SYTL3: variants seen among roughly 807,000 people sequenced by gnomAD.
SYTL3 encodes the protein synaptotagmin like 3.
SYTL3 carries 88 observed loss-of-function variants against 82.1 expected under a neutral mutation model. That is an observed-to-expected ratio of 1.07 (90% CI 0.90 to 1.28). SYTL3 has a LOEUF of 1.28. Among genes scored for constraint, SYTL3 ranks in the 50% most tolerant of loss-of-function variants. SYTL3 has a pLI of 0.00. For synonymous variants in SYTL3, 311 were observed against 289.4 expected (o/e 1.07, Z -0.76); for missense variants, 831 against 757.6 (o/e 1.10, Z -1.14).
At chr6:158,763,191 A>T in intron 16 of SYTL3, 113 bp from the exon 17 acceptor site, 1 of 961,184 alleles carries the variant, frequency 1.0e-6, no homozygotes, top group Non-Finnish European at 1.6e-6. Flanking sequence ...GAGGGTGTGG[A>T]TGTTGTGGAC....
At chr6:158,756,057 GT>G (rs1361150717) in intron 13 of SYTL3, among the ~76,000 whole-genome samples, 1 of 152,240 alleles carries the variant, frequency 6.6e-6, no homozygotes, top group African/African-American at 2.4e-5. Context: ...ATAAATAAGT[GT>G]TCAATAACTT....
chr6:158,699,332 T>C lies in SYTL3; in HGVS notation c.395-7898T>C, dbSNP rs140760120. On this transcript the variant is annotated intron_variant, in intron 6 of 17. Coordinates refer to ENST00000611299, the MANE Select transcript of SYTL3 (RefSeq NM_001242394.2). ...CAGGAATTGCAGTCCAGGGCACTGG[T>C]ATGGTTGGGGGTTAGCGTCCTCAAC... 8.5e-5 allele frequency among the ~76,000 whole-genome samples: 13 copies of C among 152,252 alleles called. No homozygotes were observed. In the East Asian group the frequency reaches 2.5e-3, roughly 29 times the overall value.
intron 2 of SYTL3, among the ~76,000 whole-genome samples, chr6:158,654,437 G>C (rs1226774735): frequency 1.3e-5 from 2 of 152,196 alleles, no homozygotes; most frequent in Non-Finnish European, 2.9e-5. Flanking sequence ...GTTCCACTGG[G>C]ATACAGCATG....
At chr6:158,719,993 G>A (rs1783890884) in intron 10 of SYTL3, among the ~76,000 whole-genome samples, 1 of 152,216 alleles carries the variant, frequency 6.6e-6, no homozygotes, top group Non-Finnish European at 1.5e-5. Context: ...GGAGACTGAG[G>A]TGGGAGGATC....
intron 6 of SYTL3, among the ~76,000 whole-genome samples, chr6:158,704,127 G>A (rs539801708): frequency 2.1e-5 from 3 of 145,520 alleles, no homozygotes; most frequent in South Asian, 2.3e-4. Flanking sequence ...ACACCTGGCC[G>A]GGTTTTACAT....
chr6:158,665,556 G>T lies in SYTL3; in HGVS notation c.272G>T (p.Cys91Phe). 1 of 1,583,648 alleles carries T rather than the reference G, an allele frequency of 6.3e-7. No homozygotes were observed. Among genetic ancestry groups the T allele is most frequent in the Non-Finnish European group, 8.6e-7 (1 of 1,165,782 alleles). ...RGCSHRVCAQ[C>F]RVFLRGTHAW... is the part of the protein sequence containing the mutation. Reference sequence around the variant, plus strand: ...TGCAGCCACCGCGTGTGTGCCCAGTGCCGAGTGTTCCTGAGGGGGACCCAT... The same window carrying T: ...TGCAGCCACCGCGTGTGTGCCCAGTTCCGAGTGTTCCTGAGGGGGACCCAT... The change falls in exon 5 of 18, where the codon TGC becomes TTC. Residue 91 changes from cysteine to phenylalanine, a missense_variant. Physicochemically the swap from Cys to Phe is radical, Grantham distance 205. Coordinates refer to ENST00000611299, the MANE Select transcript of SYTL3 (RefSeq NM_001242394.2).
intron 5 of SYTL3, among the ~76,000 whole-genome samples, chr6:158,680,632 G>A (rs188184906): frequency 1.4e-4 from 21 of 150,696 alleles, no homozygotes; most frequent in Admixed American, 4.0e-4. Context: ...CGTGCCTTTA[G>A]TGTCAGCTAC....
At chr6:158,742,221 A>G (rs1389150226) in intron 11 of SYTL3, among the ~76,000 whole-genome samples, 2 of 152,254 alleles carry the variant, frequency 1.3e-5, no homozygotes, top group Non-Finnish European at 2.9e-5. Context: ...AATGATGTAT[A>G]ACATAACCAC....
At chr6:158,686,005 C>T (rs1320819433) in intron 6 of SYTL3, among the ~76,000 whole-genome samples, 10 of 152,170 alleles carry the variant, frequency 6.6e-5, no homozygotes, top group Non-Finnish European at 1.0e-4. Context: ...AAGTTTTCTA[C>T]GTCGTTAGAA....
chr6:158,759,305 G>A (rs1339339945), intron 14 of SYTL3, among the ~76,000 whole-genome samples: 10 of 152,240 alleles, frequency 6.6e-5, no homozygotes. Flanking sequence ...ACCCGCCCCT[G>A]GGCTCTGTTC....
At chr6:158,681,527 A>T (rs1242251136) in intron 5 of SYTL3, among the ~76,000 whole-genome samples, 1 of 151,980 alleles carries the variant, frequency 6.6e-6, no homozygotes, top group Non-Finnish European at 1.5e-5. Context: ...AAAATACAAA[A>T]ATTAGCCGGG....
At chr6:158,756,718 A>ATTTTTTT (rs1554266255) in intron 13 of SYTL3, among the ~76,000 whole-genome samples, 1 of 47,338 alleles carries the variant, frequency 2.1e-5, no homozygotes. Flanking sequence ...CTCAAAAAAA[A>ATTTTTTT]ATTTTTTTTT....
intron 11 of SYTL3, among the ~76,000 whole-genome samples, chr6:158,732,265 CCACTCCATCAAT>C (rs1748727763): frequency 6.6e-6 from 1 of 152,182 alleles, no homozygotes. Context: ...TCTCCTTCAA[CCACTCCATCAAT>C]CACTCCTCCC....
rs1241069875 is a variant in SYTL3 at position 158,663,260 on chromosome 6, GGAGAA to G, written c.-6_-2del. On this transcript the variant is annotated 5_prime_UTR_variant, in exon 4 of 18. Transcript: ENST00000611299. ...TCTTCCAACCTGGGTCAACGAAAACGGAGAAGAAATGGCCCAAGAAATAGATCTGA... is the reference window on the plus strand; with the variant it reads ...TCTTCCAACCTGGGTCAACGAAAACGGAAATGGCCCAAGAAATAGATCTGA... The G allele has an allele frequency of 5.0e-6, 8 of 1,613,680 alleles. No homozygotes were observed. Among genetic ancestry groups the G allele is most frequent in the Non-Finnish European group, 6.8e-6 (8 of 1,179,756 alleles).
intron 2 of SYTL3, among the ~76,000 whole-genome samples, chr6:158,653,673 T>A (rs2128347376): frequency 6.6e-6 from 1 of 152,308 alleles, no homozygotes; most frequent in South Asian, 2.1e-4. Context: ...TGGTAAACAA[T>A]ACAGGAGCGA....
At chr6:158,690,014 T>G (rs1779691491) in intron 6 of SYTL3, among the ~76,000 whole-genome samples, 1 of 152,222 alleles carries the variant, frequency 6.6e-6, no homozygotes, top group Non-Finnish European at 1.5e-5. Flanking sequence ...ATGTTCCTGG[T>G]ACCATTTGTT....
At chr6:158,674,086 A>AAT (rs1174395479) in intron 5 of SYTL3, among the ~76,000 whole-genome samples, 5 of 34,804 alleles carry the variant, frequency 1.4e-4, no homozygotes, top group African/African-American at 5.3e-4. Flanking sequence ...TGTGTCTCAA[A>AAT]ATAATAATAA....
intron 8 of SYTL3, among the ~76,000 whole-genome samples, chr6:158,710,033 TAAAC>T (rs1464465448): frequency 2.0e-5 from 3 of 152,148 alleles, no homozygotes; most frequent in Non-Finnish European, 4.4e-5. Context: ...CGACTGTCTC[TAAAC>T]AAACAAACTA....
At chr6:158,749,318 A>T (rs1003173998) in intron 12 of SYTL3, among the ~76,000 whole-genome samples, 1 of 140,980 alleles carries the variant, frequency 7.1e-6, no homozygotes, top group African/African-American at 2.6e-5. Flanking sequence ...ACCTCAGCCC[A>T]GGAGGGCTGT....
Sources: allele counts gnomAD v4.1 joint callset (sites outside exome capture counted in the v4.1 genomes callset), GRCh38; gene constraint gnomAD v4.1.1; transcripts MANE v1.5; gene names NCBI Gene and HGNC (gene_info 2026-07-23, HGNC 2026-07-21).